The following PCCA variants were observed in gnomAD, a reference collection of about 807,000 sequenced individuals.
PCCA encodes propionyl-CoA carboxylase subunit alpha.
In PCCA, 74 loss-of-function variants were observed where a neutral mutation model predicts 101.3. The observed-to-expected ratio is 0.73, with a 90% confidence interval of 0.61 to 0.89. PCCA has a LOEUF of 0.89. PCCA is among the 40% of genes least tolerant of loss of function. The pLI is 0.00. For synonymous variants in PCCA, 294 were observed against 313.6 expected (o/e 0.94, Z 0.66); for missense variants, 891 against 907.0 (o/e 0.98, Z 0.23).
intron 18 of PCCA, among the ~76,000 whole-genome samples, chr13:100,357,990 C>G (rs1191190747): frequency 6.6e-6 from 1 of 152,186 alleles, no homozygotes; most frequent in East Asian, 1.9e-4. Flanking sequence ...GCTGAATGAA[C>G]TGAGCTAAAA....
intron 12 of PCCA, among the ~76,000 whole-genome samples, chr13:100,296,995 T>A (rs1165945884): frequency 2.6e-5 from 4 of 152,246 alleles, no homozygotes; most frequent in Admixed American, 2.6e-4. Flanking sequence ...TCAGTTGTGA[T>A]CTTAACATTT....
intron 21 of PCCA, among the ~76,000 whole-genome samples, chr13:100,498,150 G>C (rs1412943896): frequency 6.7e-6 from 1 of 150,360 alleles, no homozygotes; most frequent in African/African-American, 2.4e-5. Flanking sequence ...TTACAGGCGT[G>C]AGCCACCACA....
chr13:100,488,620 G>T (rs1047517961), intron 21 of PCCA, among the ~76,000 whole-genome samples: 1 of 121,668 alleles, frequency 8.2e-6, no homozygotes, highest in African/African-American at 3.2e-5. Context: ...TACAAGTTTT[G>T]TTTTTTTGTT....
rs922294388 is a variant in PCCA at position 100,129,157 on chromosome 13, T to C, written c.300+17096T>C. Among the ~76,000 whole-genome samples the C allele has an allele frequency of 7.9e-4, 121 of 152,216 alleles. 1 individual carries two copies. Among genetic ancestry groups the C allele is most frequent in the Admixed American group, 2.6e-4 (4 of 15,288 alleles). On this transcript the variant is annotated intron_variant, in intron 4 of 23. Transcript: ENST00000376285. ...ATGTTCACCATCATTCTTTCTTTCATTTCTCATTTCCAATTTATGAGCAAG... is the reference window on the plus strand; with the variant it reads ...ATGTTCACCATCATTCTTTCTTTCACTTCTCATTTCCAATTTATGAGCAAG...
intron 2 of PCCA, among the ~76,000 whole-genome samples, chr13:100,105,524 A>G (rs1036163625): frequency 1.3e-5 from 2 of 151,962 alleles, no homozygotes; most frequent in Non-Finnish European, 2.9e-5. Context: ...CATTAGCGTA[A>G]TAACTGTTAG....
intron 4 of PCCA, among the ~76,000 whole-genome samples, chr13:100,146,825 T>G (rs2052629214): frequency 7.0e-6 from 1 of 141,922 alleles, no homozygotes; most frequent in South Asian, 2.1e-4. Flanking sequence ...GTATTTAAAT[T>G]AAATATTTTT....
chr13:100,487,160 A>T (rs1163949774), intron 21 of PCCA, among the ~76,000 whole-genome samples: 1 of 152,232 alleles, frequency 6.6e-6, no homozygotes, highest in Non-Finnish European at 1.5e-5. Flanking sequence ...TGAAAGTAAG[A>T]CATAGAGGCC....
chr13:100,422,228 G>A (rs1271524425), intron 19 of PCCA, among the ~76,000 whole-genome samples: 1 of 150,396 alleles, frequency 6.6e-6, no homozygotes, highest in Non-Finnish European at 1.5e-5. Flanking sequence ...GAAGGCCTGG[G>A]CTCAAGCAAT....
intron 20 of PCCA, among the ~76,000 whole-genome samples, chr13:100,429,779 G>A (rs986289404): frequency 6.6e-6 from 1 of 151,494 alleles, no homozygotes; most frequent in African/African-American, 2.4e-5. Flanking sequence ...GCTAATTTTT[G>A]TATTTTTAGT....
intron 19 of PCCA, among the ~76,000 whole-genome samples, chr13:100,396,045 A>G (rs1244964241): frequency 6.6e-6 from 1 of 152,218 alleles, no homozygotes; most frequent in Non-Finnish European, 1.5e-5. Context: ...GGAGTTACCT[A>G]AGGGGATGGT....
chr13:100,397,968 G>T (rs1407675955), intron 19 of PCCA, among the ~76,000 whole-genome samples: 1 of 152,158 alleles, frequency 6.6e-6, no homozygotes, highest in East Asian at 1.9e-4. Flanking sequence ...TTGAGAACTG[G>T]CATAAGTCTC....
chr13:100,510,172 G>T (rs1187076203), intron 21 of PCCA, among the ~76,000 whole-genome samples: 3 of 152,166 alleles, frequency 2.0e-5, no homozygotes, highest in African/African-American at 7.2e-5. Context: ...AAGAAATCCT[G>T]CTCATGGGCA....
intron 20 of PCCA, among the ~76,000 whole-genome samples, chr13:100,447,158 G>A (rs2080890925): frequency 1.3e-5 from 2 of 152,044 alleles, no homozygotes; most frequent in African/African-American, 4.8e-5. Context: ...GGTTGAGGGA[G>A]CGGGTTATGA....
intron 1 of PCCA, 136 bp downstream of exon 1, chr13:100,089,361 TTGC>T: frequency 8.4e-7 from 1 of 1,183,542 alleles, no homozygotes; most frequent in Non-Finnish European, 1.1e-6. Context: ...GCTACACCGC[TTGC>T]TTTCCTCCCT....
intron 12 of PCCA, among the ~76,000 whole-genome samples, chr13:100,284,364 A>T (rs2064412411): frequency 6.6e-6 from 1 of 152,248 alleles, no homozygotes; most frequent in African/African-American, 2.4e-5. Flanking sequence ...TCAACCCTGA[A>T]GTCTGGGCAT....
At chr13:100,177,877 G>A (rs2056391111) in intron 6 of PCCA, among the ~76,000 whole-genome samples, 1 of 151,880 alleles carries the variant, frequency 6.6e-6, no homozygotes, top group Non-Finnish European at 1.5e-5. Flanking sequence ...TATAAAGTAT[G>A]TCTTTAAAAA....
chr13:100,154,845 T>C (rs1390806013), intron 4 of PCCA, 134 bp from the exon 5 acceptor site: 1 of 720,488 alleles, frequency 1.4e-6, no homozygotes, highest in African/African-American at 1.7e-5. Flanking sequence ...TGCTTTTTAG[T>C]GCATACTCAA....
chr13:100,286,024 A>C (rs553814864), intron 12 of PCCA, among the ~76,000 whole-genome samples: 7 of 152,096 alleles, frequency 4.6e-5, no homozygotes, highest in Non-Finnish European at 1.0e-4. Context: ...CTCTTCTACA[A>C]GCTCTAATTT....
At position 100,414,762 on chromosome 13, in the gene PCCA, A is replaced by C. The variant is rs146722851; in HGVS notation, c.1747-10871A>C. On this transcript the variant is annotated intron_variant, in intron 19 of 23. Coordinates refer to ENST00000376285, the MANE Select transcript of PCCA (RefSeq NM_000282.4). ...CATACAAAGTTCTTTGTTAATGGGG[A>C]ATGGGATATACATCATCTATTTGAT... Among the ~76,000 whole-genome samples the C allele has an allele frequency of 3.0e-3, 457 of 152,338 alleles. 8 individuals are homozygous for C. Among genetic ancestry groups the C allele is most frequent in the South Asian group, 0.024 (117 of 4,828 alleles).
Sources: gnomAD v4.1 joint callset for allele counts (sites outside exome capture counted in the v4.1 genomes callset) on GRCh38, gnomAD v4.1.1 for gene constraint, MANE v1.5 for transcripts, NCBI Gene and HGNC (gene_info 2026-07-23, HGNC 2026-07-21) for gene names.